Variants in CDS1 observed in about 807,000 individuals in gnomAD.
CDS1 encodes the protein CDP-diacylglycerol synthase 1, also known as phosphatidate cytidylyltransferase 1.
Under a neutral mutation model 62.1 loss-of-function variants are expected in CDS1, and 41 were observed. The ratio of observed to expected loss-of-function variants is 0.66; its 90% CI spans 0.51 to 0.86. The LOEUF (loss-of-function observed/expected upper bound fraction) is 0.86. Among genes scored for constraint, CDS1 ranks in the 40% least tolerant of loss-of-function variants. The pLI is 0.00. For synonymous variants in CDS1, 185 were observed against 192.6 expected (o/e 0.96, Z 0.32); for missense variants, 470 against 550.1 (o/e 0.85, Z 1.46).
At chr4:84,594,770 C>T (rs1722698733) in intron 1 of CDS1, among the ~76,000 whole-genome samples, 2 of 152,098 alleles carry the variant, frequency 1.3e-5, no homozygotes, top group South Asian at 2.1e-4. Context: ...GTTGGCTCTC[C>T]ATATCTATGG....
At chr4:84,608,900 C>T (rs542929037) in intron 2 of CDS1, among the ~76,000 whole-genome samples, 5 of 151,958 alleles carry the variant, frequency 3.3e-5, no homozygotes, top group African/African-American at 1.2e-4. Context: ...TCTTTCTGGC[C>T]GGGCGTGGTG....
At chr4:84,636,532 A>G (rs1724216425) in intron 8 of CDS1, among the ~76,000 whole-genome samples, 1 of 152,042 alleles carries the variant, frequency 6.6e-6, no homozygotes, top group Non-Finnish European at 1.5e-5. Context: ...TTTAGTTTTT[A>G]TTCGTTTTTG....
At chr4:84,612,074 G>A (rs1351840420) in intron 3 of CDS1, among the ~76,000 whole-genome samples, 2 of 151,546 alleles carry the variant, frequency 1.3e-5, no homozygotes, top group African/African-American at 4.8e-5. Context: ...GTGTATCAGG[G>A]TGGAGGCAGC....
rs983538889 is a variant in CDS1, at chr4:84,604,418, T to C, written c.245+48T>C. ...ATATCTTAGTGCACAAGATAGGCTTTGAGGTTATCCTTGTCCATGTAATAA... is the reference window on the plus strand; with the variant it reads ...ATATCTTAGTGCACAAGATAGGCTTCGAGGTTATCCTTGTCCATGTAATAA... On this transcript the variant is annotated intron_variant, in intron 2 of 12. Transcript: ENST00000295887. 7 of 1,583,080 alleles carry C rather than the reference T, an allele frequency of 4.4e-6. No individual in the cohort carries two copies. The Admixed American group carries it at 5.5e-5, about 12-fold the overall frequency.
At chr4:84,635,882 G>A (rs935920884) in intron 8 of CDS1, among the ~76,000 whole-genome samples, 6 of 150,632 alleles carry the variant, frequency 4.0e-5, no homozygotes, top group Non-Finnish European at 5.9e-5. Context: ...TCAGCCTCCC[G>A]AGTAGCTGGG....
rs760620010 is a variant in CDS1 at position 84,635,302 on chromosome 4, T to C, written c.761T>C (p.Ile254Thr). Reference sequence around the variant, plus strand: ...ATATCAAGTGTTATCTGCAATGACATAACTGCTTACCTTTTTGGATTTTTT... The same window carrying C: ...ATATCAAGTGTTATCTGCAATGACACAACTGCTTACCTTTTTGGATTTTTT... The part of the protein sequence containing the change: ...VPISSVICND[I>T]TAYLFGFFFG... Residue 254 changes from isoleucine to threonine, a missense_variant, in exon 8 of 13, where the codon ATA becomes ACA. Ile to Thr is a moderately conservative substitution (Grantham distance 89, BLOSUM62 -1). This residue lies in a region of CDS1 where 214 missense variants were observed against 242.4 expected (regional missense o/e 0.88). Transcript: ENST00000295887. The C allele has an allele frequency of 6.3e-7, 1 of 1,581,566 alleles. No homozygotes were observed. Among genetic ancestry groups the C allele is most frequent in the South Asian group, 1.1e-5 (1 of 87,848 alleles).
At chr4:84,646,935 A>G (rs552470890) in intron 12 of CDS1, among the ~76,000 whole-genome samples, 15 of 152,082 alleles carry the variant, frequency 9.9e-5, no homozygotes, top group Non-Finnish European at 2.1e-4. Flanking sequence ...TTTGGTTTAT[A>G]TATTTTGAGG....
In CDS1 at chr4:84,650,404, A is replaced by G. The variant is rs914352827; in HGVS notation, c.*1718A>G. On this transcript the variant is annotated 3_prime_UTR_variant, in exon 13 of 13. Transcript: ENST00000295887. ...GATCGCATTTAAAATCAGGCCACCTACAAGTTTAATTTTCAACATCTCATG... is the reference window on the plus strand; with the variant it reads ...GATCGCATTTAAAATCAGGCCACCTGCAAGTTTAATTTTCAACATCTCATG... 2 of 152,228 alleles carry G rather than the reference A, an allele frequency of 1.3e-5. No individual in the cohort carries two copies. The highest frequency in any genetic ancestry group is 2.9e-5 in the Non-Finnish European group (2 of 68,034). The allele number at this position is 152,228 out of a possible 1,614,324, so 9.4% of individuals were successfully genotyped here.
chr4:84,600,279 T>C (rs760454777), intron 1 of CDS1, among the ~76,000 whole-genome samples: 1 of 152,222 alleles, frequency 6.6e-6, no homozygotes, highest in Admixed American at 6.5e-5. Context: ...TTGTTAGATA[T>C]GTGATTTGAA....
chr4:84,601,681 G>C (rs1722940942), intron 1 of CDS1, among the ~76,000 whole-genome samples: 1 of 152,128 alleles, frequency 6.6e-6, no homozygotes, highest in Admixed American at 6.5e-5. Flanking sequence ...GGGAGGTCAG[G>C]GCGGGCGGAT....
At position 84,617,548 on chromosome 4, in the gene CDS1, T is replaced by C; in HGVS notation, c.343-16T>C. 1 of 1,297,464 alleles carries C rather than the reference T, an allele frequency of 7.7e-7. No individual in the cohort carries two copies. The highest frequency in any genetic ancestry group is 1.1e-6 in the Non-Finnish European group (1 of 896,754). 80.4% of individuals were successfully genotyped at this position (1,297,464 alleles called of 1,614,324 possible). A position where few individuals can be genotyped will look rare whatever the true frequency, so the allele number is the denominator to read the frequency against. On this transcript the variant is annotated splice_polypyrimidine_tract_variant and intron_variant, in intron 3 of 12. Transcript: ENST00000295887. ...AACATTGAGAAATGTATGTTAATGT[T>C]TTCTCTTGGTTTCAGGTTCTGGGCA...
chr4:84,621,702 C>T (rs1449308108), intron 5 of CDS1, among the ~76,000 whole-genome samples: 1 of 152,208 alleles, frequency 6.6e-6, no homozygotes, highest in Non-Finnish European at 1.5e-5. Flanking sequence ...GCTGGGATTA[C>T]AGGCACAAGC....
At chr4:84,613,403 G>A (rs1042749952) in intron 3 of CDS1, among the ~76,000 whole-genome samples, 3 of 152,106 alleles carry the variant, frequency 2.0e-5, no homozygotes, top group Non-Finnish European at 4.4e-5. Flanking sequence ...GAGGTCAGAA[G>A]TTCAAGACCA....
intron 1 of CDS1, among the ~76,000 whole-genome samples, chr4:84,598,042 C>T (rs767345009): frequency 6.0e-5 from 9 of 150,814 alleles, no homozygotes; most frequent in Non-Finnish European, 1.0e-4. Flanking sequence ...GAGAGAATGG[C>T]GTGAACCCGG....
At chr4:84,639,068 T>G in intron 9 of CDS1, 76 bp downstream of exon 9, 1 of 654,604 alleles carries the variant, frequency 1.5e-6, no homozygotes, top group Non-Finnish European at 2.4e-6. Context: ...ATTTTAAACC[T>G]AGAAAAATTA....
chr4:84,605,442 C>CT (rs879764990), intron 2 of CDS1, among the ~76,000 whole-genome samples: 547 of 143,182 alleles, frequency 3.8e-3, no homozygotes, highest in African/African-American at 0.011. Flanking sequence ...ATGAATTTTT[C>CT]TTTTTTTTTT....
At chr4:84,590,765 G>A (rs1722569513) in intron 1 of CDS1, among the ~76,000 whole-genome samples, 1 of 152,182 alleles carries the variant, frequency 6.6e-6, no homozygotes, top group South Asian at 2.1e-4. Flanking sequence ...CAGGGAATGG[G>A]CTGGTACAAA....
chr4:84,618,974 A>G (rs1723582253), intron 4 of CDS1, among the ~76,000 whole-genome samples: 2 of 152,008 alleles, frequency 1.3e-5, no homozygotes, highest in African/African-American at 2.4e-5. Flanking sequence ...ATACATACAT[A>G]CAAAGTATTA....
intron 3 of CDS1, among the ~76,000 whole-genome samples, chr4:84,616,343 A>G (rs1171724606): frequency 6.6e-6 from 1 of 152,190 alleles, no homozygotes; most frequent in African/African-American, 2.4e-5. Context: ...TTTACTTTTT[A>G]AAGTATGTGA....
Sources: allele counts gnomAD v4.1 joint callset (sites outside exome capture counted in the v4.1 genomes callset), GRCh38; gene constraint gnomAD v4.1.1; regional missense constraint gnomAD v4.1.1; transcripts MANE v1.5; gene names NCBI Gene and HGNC (gene_info 2026-07-23, HGNC 2026-07-21).